PDGFD: variants seen among roughly 807,000 people sequenced by gnomAD.
PDGFD encodes platelet-derived growth factor D.
A neutral mutation model predicts 44.7 loss-of-function variants in PDGFD; 30 were observed. The ratio of observed to expected loss-of-function variants is 0.67; its 90% CI spans 0.50 to 0.91. The LOEUF (loss-of-function observed/expected upper bound fraction) is 0.91. PDGFD is among the 40% of genes least tolerant of loss of function. PDGFD has a pLI of 0.00. For synonymous variants in PDGFD, 173 were observed against 168.4 expected (o/e 1.03, Z -0.21); for missense variants, 445 against 457.8 (o/e 0.97, Z 0.25).
In PDGFD at chr11:103,998,989, C is replaced by T. The variant is rs1482279930; in HGVS notation, c.329+1062G>A. Among the ~76,000 whole-genome samples, 3 of 151,490 alleles carry T rather than the reference C, an allele frequency of 2.0e-5. 1 individual carries two copies. The highest frequency in any genetic ancestry group is 2.0e-4 in the Admixed American group (3 of 15,198). On this transcript the variant is annotated intron_variant, in intron 2 of 6. Transcript: ENST00000393158. ...ATTTTTTAGGCACAGAATATTAGTT[C>T]TTTTTTTTTGAGATGGAAAAGACGC...
intron 1 of PDGFD, among the ~76,000 whole-genome samples, chr11:104,116,640 A>C (rs1172189198): frequency 6.6e-6 from 1 of 152,086 alleles, no homozygotes. Flanking sequence ...CCTTAACAAA[A>C]TACTAGTTAA....
chr11:104,154,665 A>C (rs1431935576), intron 1 of PDGFD, among the ~76,000 whole-genome samples: 1 of 152,218 alleles, frequency 6.6e-6, no homozygotes, highest in African/African-American at 2.4e-5. Context: ...GCCAACAAGA[A>C]GGAAAAGTTT....
intron 5 of PDGFD, among the ~76,000 whole-genome samples, chr11:103,927,597 A>C (rs1858339596): frequency 6.6e-6 from 1 of 152,230 alleles, no homozygotes. Flanking sequence ...CTGGCAGTGA[A>C]ATTTCACACA....
At chr11:104,033,013 T>C (rs1486812760) in intron 1 of PDGFD, among the ~76,000 whole-genome samples, 2 of 151,618 alleles carry the variant, frequency 1.3e-5, no homozygotes, top group African/African-American at 4.8e-5. Context: ...GACTACATGA[T>C]AGGGATTTAC....
chr11:103,927,453 A>G (rs1167627277), intron 5 of PDGFD, among the ~76,000 whole-genome samples: 1 of 152,172 alleles, frequency 6.6e-6, no homozygotes, highest in African/African-American at 2.4e-5. Context: ...AAATTAAAAT[A>G]ATTGCCTTTA....
intron 1 of PDGFD, among the ~76,000 whole-genome samples, chr11:104,052,951 G>A (rs1489953884): frequency 6.6e-6 from 1 of 151,936 alleles, no homozygotes; most frequent in African/African-American, 2.4e-5. Context: ...TTTATTCACT[G>A]TCCGAGACAC....
At chr11:104,157,508 T>C (rs951271091) in intron 1 of PDGFD, among the ~76,000 whole-genome samples, 8 of 152,152 alleles carry the variant, frequency 5.3e-5, no homozygotes, top group African/African-American at 1.2e-4. Context: ...TGGACACTTG[T>C]TTACCTATAT....
chr11:104,026,915 T>C (rs1860049553), intron 1 of PDGFD, among the ~76,000 whole-genome samples: 1 of 152,224 alleles, frequency 6.6e-6, no homozygotes, highest in Non-Finnish European at 1.5e-5. Context: ...GATGTCAAGT[T>C]CAACAGTTTT....
At position 103,953,128 on chromosome 11, in the gene PDGFD, T is replaced by C. The variant is rs1565293562; in HGVS notation, c.511-5404A>G. On this transcript the variant is annotated intron_variant, in intron 3 of 6. Transcript: ENST00000393158. ...CAGAAAGCATAAAAATCGATACACC[T>C]TATATAACATTTTGTATATATACAA... Among the ~76,000 whole-genome samples, 5 of 152,266 alleles carry C rather than the reference T, an allele frequency of 3.3e-5. No individual in the cohort carries two copies. The South Asian group carries it at 1.0e-3, about 32-fold the overall frequency.
At chr11:103,998,213 C>CT (rs1344539640) in intron 2 of PDGFD, among the ~76,000 whole-genome samples, 1 of 152,200 alleles carries the variant, frequency 6.6e-6, no homozygotes, top group Non-Finnish European at 1.5e-5. Context: ...AATAAGCCCC[C>CT]TTCCAACCAT....
intron 1 of PDGFD, among the ~76,000 whole-genome samples, chr11:104,121,600 G>A (rs921524487): frequency 6.6e-6 from 1 of 151,984 alleles, no homozygotes; most frequent in African/African-American, 2.4e-5. Flanking sequence ...AAGAATACAA[G>A]TTCCAGTTTT....
chr11:104,071,938 T>G (rs1019728833), intron 1 of PDGFD, among the ~76,000 whole-genome samples: 2 of 151,968 alleles, frequency 1.3e-5, no homozygotes, highest in Admixed American at 1.3e-4. Context: ...ATTCCACTAG[T>G]CTATTTATAT....
At chr11:104,013,034 C>T (rs1237063636) in intron 1 of PDGFD, among the ~76,000 whole-genome samples, 1 of 152,242 alleles carries the variant, frequency 6.6e-6, no homozygotes, top group Admixed American at 6.5e-5. Flanking sequence ...CTATGTCCCC[C>T]ACCCTGTACC....
chr11:104,138,832 G>T (rs1565346187), intron 1 of PDGFD, among the ~76,000 whole-genome samples: 1 of 152,086 alleles, frequency 6.6e-6, no homozygotes, highest in Non-Finnish European at 1.5e-5. Flanking sequence ...CATGATCTTG[G>T]TTCACTGAAA....
chr11:104,048,598 A>T (rs934173734), intron 1 of PDGFD, among the ~76,000 whole-genome samples: 1 of 152,074 alleles, frequency 6.6e-6, no homozygotes, highest in African/African-American at 2.4e-5. Flanking sequence ...ATTCTAAGTC[A>T]CCTCTTTTTC....
At chr11:104,146,000 T>G (rs1443434684) in intron 1 of PDGFD, among the ~76,000 whole-genome samples, 4 of 152,180 alleles carry the variant, frequency 2.6e-5, no homozygotes, top group Non-Finnish European at 5.9e-5. Context: ...ACACCTTGAA[T>G]TTGGACCTTC....
At chr11:103,985,669 G>GCT (rs1219731210) in intron 3 of PDGFD, among the ~76,000 whole-genome samples, 2 of 149,270 alleles carry the variant, frequency 1.3e-5, no homozygotes, top group African/African-American at 5.2e-5. Context: ...TAAAGAATAT[G>GCT]TGTAAGGAAA....
At chr11:104,083,131 A>T (rs1728255080) in intron 1 of PDGFD, among the ~76,000 whole-genome samples, 1 of 152,194 alleles carries the variant, frequency 6.6e-6, no homozygotes, top group Non-Finnish European at 1.5e-5. Flanking sequence ...TTTTGTTGCT[A>T]GTAGAAAATA....
rs180935014 is a variant in PDGFD, at chr11:103,992,200, T to C, written c.510+3865A>G. Among the ~76,000 whole-genome samples, 322 of 152,298 alleles carry C rather than the reference T, an allele frequency of 2.1e-3. 3 individuals are homozygous for C. Among genetic ancestry groups the C allele is most frequent in the East Asian group, 7.7e-4 (4 of 5,184 alleles). On this transcript the variant is annotated intron_variant, in intron 3 of 6. Transcript: ENST00000393158. ...AAGGCTGAACAGGAGAGCAATAAAATGAAATGAGGCAAATTTTATGAATCA... is the reference window on the plus strand; with the variant it reads ...AAGGCTGAACAGGAGAGCAATAAAACGAAATGAGGCAAATTTTATGAATCA...
Sources: allele counts gnomAD v4.1 joint callset (sites outside exome capture counted in the v4.1 genomes callset), GRCh38; gene constraint gnomAD v4.1.1; transcripts MANE v1.5; gene names NCBI Gene and HGNC (gene_info 2026-07-23, HGNC 2026-07-21).